The following PHKB variants were observed in gnomAD, a reference collection of about 807,000 sequenced individuals.
PHKB encodes the protein phosphorylase kinase regulatory subunit beta, also known as phosphorylase b kinase regulatory subunit beta.
Under a neutral mutation model 152.1 loss-of-function variants are expected in PHKB, and 122 were observed. The ratio of observed to expected loss-of-function variants is 0.80; its 90% confidence interval spans 0.69 to 0.93. PHKB has a LOEUF of 0.93. Ranked by LOEUF, PHKB falls within the 40% of genes least tolerant of loss-of-function variation. The pLI is 0.00. For synonymous variants in PHKB, 436 were observed against 464.9 expected, an observed-to-expected ratio of 0.94 and a Z score of 0.80; for missense variants, 1,304 against 1,328.4, an observed-to-expected ratio of 0.98 and a Z score of 0.29.
chr16:47,682,457 C>T (rs987817171), intron 26 of PHKB, among the ~76,000 whole-genome samples: 6 of 152,116 alleles, frequency 3.9e-5, no homozygotes, highest in East Asian at 3.8e-4. Flanking sequence ...AGGCTTTGTT[C>T]GTTTCTTTTT....
In PHKB at chr16:47,617,570, T is replaced by C. The variant is rs145487571; in HGVS notation, c.1458+6650T>C. Among the ~76,000 whole-genome samples the C allele has an allele frequency of 4.2e-3, 635 of 152,266 alleles. 6 individuals are homozygous for C. The highest frequency in any genetic ancestry group is 0.015 in the African/African-American group (604 of 41,552). On this transcript the variant is annotated intron_variant, in intron 14 of 30. Coordinates refer to ENST00000323584, the MANE Select transcript of PHKB (RefSeq NM_000293.3). ...GTCTTTCTGCGTGTGGCTTATTTCA[T>C]TAAGCATAATTTCCATACTAATGTT...
chr16:47,596,059 G>A (rs1292392223), intron 12 of PHKB, among the ~76,000 whole-genome samples: 2 of 152,144 alleles, frequency 1.3e-5, no homozygotes, highest in African/African-American at 4.8e-5. Flanking sequence ...TCAAGGGTGG[G>A]GCCAGGTGGA....
At chr16:47,572,550 G>A (rs1971679489) in intron 7 of PHKB, among the ~76,000 whole-genome samples, 2 of 152,282 alleles carry the variant, frequency 1.3e-5, no homozygotes, top group South Asian at 4.1e-4. Flanking sequence ...TCTGCGGAAT[G>A]TGTAATGGTT....
chr16:47,678,143 C>T (rs964933324), intron 26 of PHKB, among the ~76,000 whole-genome samples: 2 of 151,926 alleles, frequency 1.3e-5, no homozygotes, highest in Non-Finnish European at 2.9e-5. Flanking sequence ...TGTATATGTG[C>T]CACATTTTCT....
chr16:47,692,382 A>G (rs1326334479), intron 27 of PHKB, among the ~76,000 whole-genome samples: 3 of 152,120 alleles, frequency 2.0e-5, no homozygotes, highest in Admixed American at 6.5e-5. Context: ...TTGGGAGGCC[A>G]AGGCAGGAGG....
Position 47,696,457 on chromosome 16 carries a change from AC to A in PHKB, c.2974del (p.Gln992SerfsTer9). 6.2e-7 allele frequency: 1 copy of A among 1,602,162 alleles called. No individual in the cohort carries two copies. Among genetic ancestry groups the A allele is most frequent in the Non-Finnish European group, 8.5e-7 (1 of 1,169,636 alleles). ...GTTGAAGACACGTTGGGAAATATTG[AC>A]CAGCCACAGTACAGACAGATCGTTG... is the stretch of plus-strand genomic sequence containing the variant. ...LLVEDTLGNI[D>X]QPQYRQIVVE... On this transcript the variant is annotated frameshift_variant, in exon 29 of 31. Coordinates refer to ENST00000323584, the MANE Select transcript of PHKB (RefSeq NM_000293.3). LOFTEE classifies it high-confidence loss of function.
chr16:47,500,353 A>T (rs919251998), intron 3 of PHKB, among the ~76,000 whole-genome samples: 5 of 152,104 alleles, frequency 3.3e-5, no homozygotes, highest in African/African-American at 1.2e-4. Context: ...TCATTTTTCT[A>T]AGAGCTTATA....
chr16:47,627,328 A>G (rs757614561), intron 14 of PHKB, among the ~76,000 whole-genome samples: 1 of 152,230 alleles, frequency 6.6e-6, no homozygotes, highest in Non-Finnish European at 1.5e-5. Context: ...CATTGTTTCT[A>G]TGCAGTATGC....
intron 7 of PHKB, among the ~76,000 whole-genome samples, chr16:47,550,551 G>A (rs1441348069): frequency 6.6e-6 from 1 of 152,188 alleles, no homozygotes; most frequent in Non-Finnish European, 1.5e-5. Flanking sequence ...AGAGAAAACA[G>A]AGCATAATCT....
chr16:47,587,808 T>G, intron 9 of PHKB, 45 bp downstream of exon 9: 1 of 1,317,894 alleles, frequency 7.6e-7, no homozygotes, highest in Non-Finnish European at 1.1e-6. Context: ...CTATTGTTTA[T>G]GATTTCTATG....
rs1420695588 is a variant in PHKB, at chr16:47,696,479, C to T, written c.2994C>T (p.Ile998=). 6 of 1,563,834 alleles carry T rather than the reference C, an allele frequency of 3.8e-6. No individual in the cohort carries two copies. The highest frequency in any genetic ancestry group is 1.4e-5 in the African/African-American group (1 of 73,888). Residue 998 remains isoleucine, a synonymous_variant, in exon 29 of 31, where the codon ATC becomes ATT. Transcript: ENST00000323584. ...TTGACCAGCCACAGTACAGACAGAT[C>T]GTTGTAGAGGTGAGTAGTAAGAAAT... ...GNIDQPQYRQ[I]VVELLMVVSI...
chr16:47,525,457 C>A (rs538251898), intron 6 of PHKB, among the ~76,000 whole-genome samples: 1 of 152,284 alleles, frequency 6.6e-6, no homozygotes, highest in East Asian at 1.9e-4. Context: ...GGGAAAAGCA[C>A]TGTTTGAAGA....
At chr16:47,508,331 G>A (rs979115960) in intron 4 of PHKB, among the ~76,000 whole-genome samples, 1 of 152,056 alleles carries the variant, frequency 6.6e-6, no homozygotes, top group Non-Finnish European at 1.5e-5. Context: ...TTATAATTCT[G>A]CCTACAGAGA....
intron 1 of PHKB, among the ~76,000 whole-genome samples, chr16:47,473,345 G>C (rs12148969): frequency 1.4e-5 from 2 of 147,016 alleles, no homozygotes; most frequent in Admixed American, 7.0e-5. Context: ...AAAGTGCTGA[G>C]ATTATAGGCG....
intron 3 of PHKB, 34 bp from the exon 4 acceptor site, chr16:47,502,957 C>G (rs1970346861): frequency 7.4e-7 from 1 of 1,351,164 alleles, no homozygotes; most frequent in East Asian, 2.3e-5. Flanking sequence ...AAATGCATTT[C>G]CAATTAGTTT....
At position 47,499,902 on chromosome 16, in the gene PHKB, G is replaced by A; in HGVS notation, c.305+8G>A. The A allele has an allele frequency of 6.2e-7, 1 of 1,614,092 alleles. No homozygotes were observed. Among genetic ancestry groups the A allele is most frequent in the Non-Finnish European group, 8.5e-7 (1 of 1,179,978 alleles). On this transcript the variant is annotated splice_region_variant and intron_variant, in intron 3 of 30. Coordinates refer to ENST00000323584, the MANE Select transcript of PHKB (RefSeq NM_000293.3). The stretch of plus-strand genomic sequence containing the variant: ...TTTGGCTCTTGCATACAGGTGAGCT[G>A]GTGTGTGTTCTCCTCGTAACTTTGA...
chr16:47,608,060 A>T (rs1225177160), intron 13 of PHKB, among the ~76,000 whole-genome samples: 1 of 151,108 alleles, frequency 6.6e-6, no homozygotes, highest in Non-Finnish European at 1.5e-5. Context: ...TGTTGTTATG[A>T]ATTCTTTATA....
intron 7 of PHKB, among the ~76,000 whole-genome samples, chr16:47,555,818 G>A (rs556475831): frequency 2.6e-5 from 4 of 152,248 alleles, no homozygotes; most frequent in Non-Finnish European, 2.9e-5. Flanking sequence ...GAAGAAAGTC[G>A]TTGGTAGCTT....
At chr16:47,614,775 A>G (rs1254445846) in intron 14 of PHKB, among the ~76,000 whole-genome samples, 1 of 152,226 alleles carries the variant, frequency 6.6e-6, no homozygotes, top group East Asian at 1.9e-4. Flanking sequence ...AAAGAAGTTC[A>G]TGGGATGATG....
Sources: gnomAD v4.1 joint callset for allele counts (sites outside exome capture counted in the v4.1 genomes callset) on GRCh38, gnomAD v4.1.1 for gene constraint, MANE v1.5 for transcripts, NCBI Gene and HGNC (gene_info 2026-07-23, HGNC 2026-07-21) for gene names.